PROKR1: variants seen among roughly 807,000 people sequenced by gnomAD.
PROKR1 encodes the protein prokineticin receptor 1, also known as G protein-coupled receptor 73.
A neutral mutation model predicts 22.8 loss-of-function variants in PROKR1; 21 were observed. That is an observed-to-expected ratio of 0.92 (90% CI 0.65 to 1.32). The LOEUF (loss-of-function observed/expected upper bound fraction) is 1.32, where lower values mean the gene tolerates loss of function less well. PROKR1 is among the 40% of genes most tolerant of loss of function. The pLI is 0.00. For missense variants in PROKR1, 548 were observed against 514.2 expected, an observed-to-expected ratio of 1.07 and a Z score of -0.64; for synonymous variants, 193 against 207.5, an observed-to-expected ratio of 0.93 and a Z score of 0.60.
rs1558577439 is a variant in PROKR1 at position 68,646,048 on chromosome 2, G to A, written c.227G>A (p.Cys76Tyr). The change falls in exon 2 of 3, where the codon TGC becomes TAC. Residue 76 changes from cysteine (C) to tyrosine (Y), a missense_variant. Coordinates refer to ENST00000303786, the MANE Select transcript of PROKR1 (RefSeq NM_138964.4). ...GCCCTGGTGGGCATCATGCTGGTCT[G>A]CGGCATTGGAAACTTCATCTTTATC... ...GMALVGIMLV[C>Y]GIGNFIFIAA... 8.1e-6 allele frequency: 13 copies of A among 1,614,256 alleles called. No homozygotes were observed. Among genetic ancestry groups the A allele is most frequent in the Non-Finnish European group, 1.1e-5 (13 of 1,180,050 alleles).
rs1002374356 is a variant in PROKR1 at position 68,646,289 on chromosome 2, G to A, written c.468G>A (p.Leu156=). The A allele has an allele frequency of 6.2e-7, 1 of 1,614,086 alleles. No individual in the cohort carries two copies. The highest frequency in any genetic ancestry group is 8.5e-7 in the Non-Finnish European group (1 of 1,180,048). Residue 156 remains leucine (L), a synonymous_variant, in exon 2 of 3, where the codon CTG becomes CTA. Coordinates refer to ENST00000303786, the MANE Select transcript of PROKR1 (RefSeq NM_138964.4). ...VSLYVSTNAL[L]AIAIDRYLAI... ...TCTATGTCTCCACCAATGCCCTGCT[G>A]GCCATCGCCATTGACAGGTGAGTGC...
chr2:68,654,807 A>C (rs1673404756), intron 2 of PROKR1, 73 bp from the exon 3 acceptor site: 1 of 132,826 alleles, frequency 7.5e-6, no homozygotes, highest in Non-Finnish European at 1.1e-5. Flanking sequence ...ACCCTGTTTC[A>C]AAAAAAAAAA....
chr2:68,655,579 C>A lies in PROKR1; in HGVS notation c.*3C>A. On this transcript the variant is annotated 3_prime_UTR_variant, in exon 3 of 3. Coordinates refer to ENST00000303786, the MANE Select transcript of PROKR1 (RefSeq NM_138964.4). ...TGGACTGCATCAGACTAAAATAACC[C>A]CCTGGACTTTGCAAAGTTTAAACAC... 6.2e-7 allele frequency: 1 copy of A among 1,613,196 alleles called. No individual in the cohort carries two copies. Among genetic ancestry groups the A allele is most frequent in the Non-Finnish European group, 8.5e-7 (1 of 1,179,744 alleles).
chr2:68,647,134 G>C (rs1489730950), intron 2 of PROKR1, among the ~76,000 whole-genome samples: 1 of 152,172 alleles, frequency 6.6e-6, no homozygotes, highest in Non-Finnish European at 1.5e-5. Flanking sequence ...ACTTTTTGTT[G>C]TTGCATTAAT....
intron 1 of PROKR1, among the ~76,000 whole-genome samples, chr2:68,644,187 G>A (rs1336420288): frequency 1.3e-5 from 2 of 152,158 alleles, no homozygotes; most frequent in Admixed American, 1.3e-4. Flanking sequence ...CCTTAATCTC[G>A]TGACGCCCTC....
At chr2:68,646,341 T>C in intron 2 of PROKR1, 35 bp downstream of exon 2, 1 of 1,613,114 alleles carries the variant, frequency 6.2e-7, no homozygotes, top group South Asian at 1.1e-5. Flanking sequence ...ACAAAGGCGG[T>C]CAGGGAGGAA....
At chr2:68,650,970 G>A (rs59109087) in intron 2 of PROKR1, among the ~76,000 whole-genome samples, 10,667 of 152,164 alleles carry the variant, frequency 0.07, 1,023 homozygotes, top group African/African-American at 0.22. Flanking sequence ...GGGATGTCAG[G>A]TATGGGTAAG....
Position 68,646,234 on chromosome 2 carries a change from C to T in PROKR1, c.413C>T (p.Thr138Ile). Residue 138 changes from threonine to isoleucine, a missense_variant, in exon 2 of 3, where the codon ACC (threonine) becomes ATC (isoleucine). Physicochemically the swap from Thr to Ile is moderately conservative, Grantham distance 89. Coordinates refer to ENST00000303786, the MANE Select transcript of PROKR1 (RefSeq NM_138964.4). The stretch of plus-strand genomic sequence containing the variant: ...TGGGAGCACGGCCACGTCCTGTGCA[C>T]CTCTGTCAACTACCTGCGCACTGTC... Reference protein sequence around the residue: ...LSWEHGHVLCTSVNYLRTVSL... With the variant: ...LSWEHGHVLCISVNYLRTVSL... 6.2e-7 allele frequency: 1 copy of T among 1,613,950 alleles called. No homozygotes were observed. The highest frequency in any genetic ancestry group is 8.5e-7 in the Non-Finnish European group (1 of 1,179,856).
intron 2 of PROKR1, among the ~76,000 whole-genome samples, chr2:68,647,139 A>T (rs1472169335): frequency 1.3e-5 from 2 of 152,246 alleles, no homozygotes; most frequent in East Asian, 3.8e-4. Context: ...TTGTTGTTGC[A>T]TTAATCACTT....
chr2:68,652,853 G>T (rs1015532987), intron 2 of PROKR1, among the ~76,000 whole-genome samples: 1 of 152,176 alleles, frequency 6.6e-6, no homozygotes, highest in African/African-American at 2.4e-5. Context: ...GATTAGATTT[G>T]TGGTCTTCTG....
In PROKR1 at chr2:68,656,631, A is replaced by G. The variant is rs528639105; in HGVS notation, c.*1055A>G. 30 of 152,262 alleles carry G rather than the reference A, an allele frequency of 2.0e-4. No individual in the cohort carries two copies. The highest frequency in any genetic ancestry group is 7.2e-4 in the African/African-American group (30 of 41,528). 9.4% of individuals were successfully genotyped at this position (152,262 alleles called of 1,614,324 possible). On this transcript the variant is annotated 3_prime_UTR_variant, in exon 3 of 3. Transcript: ENST00000303786. ...GGCCTTCATTCATTTTTCTGTTTTC[A>G]CCAGCTCTCAAATGTGAGTGATGAA...
At chr2:68,644,841 C>G (rs1673139572) in intron 1 of PROKR1, among the ~76,000 whole-genome samples, 1 of 152,108 alleles carries the variant, frequency 6.6e-6, no homozygotes, top group Admixed American at 6.5e-5. Flanking sequence ...CCCCCCTAGA[C>G]CCCTCACCCC....
intron 1 of PROKR1, among the ~76,000 whole-genome samples, chr2:68,644,296 C>T (rs1161287854): frequency 6.6e-6 from 1 of 152,144 alleles, no homozygotes; most frequent in South Asian, 2.1e-4. Context: ...AGTGGCATGC[C>T]TCTGCGACCC....
intron 2 of PROKR1, among the ~76,000 whole-genome samples, chr2:68,648,138 C>T (rs766505893): frequency 2.0e-5 from 3 of 152,148 alleles, no homozygotes; most frequent in African/African-American, 4.8e-5. Flanking sequence ...TAGGGTGCCT[C>T]CTGTGGAGTG....
chr2:68,655,506 G>C lies in PROKR1; in HGVS notation c.1112G>C (p.Ser371Thr), dbSNP rs200848333. Residue 371 changes from serine (S) to threonine (T), a missense_variant, in exon 3 of 3, where the codon AGT (serine) becomes ACT (threonine). Coordinates refer to ENST00000303786, the MANE Select transcript of PROKR1 (RefSeq NM_138964.4). ...WKASYNGGKS[S>T]ADLDLKTIGM... ...GCTTCTTACAATGGCGGTAAGTCCA[G>C]TGCAGACCTGGACCTCAAGACAATT... 27 of 1,614,244 alleles carry C rather than the reference G, an allele frequency of 1.7e-5. No individual in the cohort carries two copies. The highest frequency in any genetic ancestry group is 1.9e-5 in the Non-Finnish European group (23 of 1,180,046).
In PROKR1 at chr2:68,655,195, C is replaced by T. The variant is rs1448424011; in HGVS notation, c.801C>T (p.Phe267=). 29 of 1,614,126 alleles carry T rather than the reference C, an allele frequency of 1.8e-5. No homozygotes were observed. The East Asian group carries it at 6.2e-4, about 35-fold the overall frequency. The change falls in exon 3 of 3, where the codon TTC becomes TTT. Residue 267 remains phenylalanine (F), a synonymous_variant. Coordinates refer to ENST00000303786, the MANE Select transcript of PROKR1 (RefSeq NM_138964.4). ...RELWFKAVPG[F]QTEQIRKRLR... The stretch of plus-strand genomic sequence containing the variant: ...TCTGGTTCAAGGCGGTCCCTGGATT[C>T]CAGACAGAGCAGATCCGCAAGAGGC...
chr2:68,655,637 C>A lies in PROKR1; in HGVS notation c.*61C>A. On this transcript the variant is annotated 3_prime_UTR_variant, in exon 3 of 3. Coordinates refer to ENST00000303786, the MANE Select transcript of PROKR1 (RefSeq NM_138964.4). ...GGTCCTGTGGACACTGACTAGTGTG[C>A]TTGGATGCACATCAACCTGGAACTT... 1 of 1,496,464 alleles carries A rather than the reference C, an allele frequency of 6.7e-7. No homozygotes were observed. The highest frequency in any genetic ancestry group is 9.2e-7 in the Non-Finnish European group (1 of 1,085,362). The allele number at this position is 1,496,464 out of a possible 1,614,324, so 92.7% of individuals were successfully genotyped here. A position where few individuals can be genotyped will look rare whatever the true frequency, so the allele number is the denominator to read the frequency against.
rs1412754616 is a variant in PROKR1, at chr2:68,646,332, C to T, written c.485+26C>T. The T allele has an allele frequency of 1.9e-6, 3 of 1,613,614 alleles. No homozygotes were observed. In the African/African-American group the frequency reaches 4.0e-5, roughly 22 times the overall value. ...GTGAGTGCAGCAGCAGTGGGGACAACAAAGGCGGTCAGGGAGGAAGGGGCA... is the reference window on the plus strand; with the variant it reads ...GTGAGTGCAGCAGCAGTGGGGACAATAAAGGCGGTCAGGGAGGAAGGGGCA... On this transcript the variant is annotated intron_variant, in intron 2 of 2. Coordinates refer to ENST00000303786, the MANE Select transcript of PROKR1 (RefSeq NM_138964.4).
intron 2 of PROKR1, among the ~76,000 whole-genome samples, chr2:68,651,610 C>A (rs1336335084): frequency 3.3e-5 from 5 of 152,192 alleles, no homozygotes; most frequent in South Asian, 2.1e-4. Context: ...GCACAGAAAC[C>A]TCCTGGTGAG....
Sources: allele counts gnomAD v4.1 joint callset (sites outside exome capture counted in the v4.1 genomes callset), GRCh38; gene constraint gnomAD v4.1.1; transcripts MANE v1.5; gene names NCBI Gene and HGNC (gene_info 2026-07-23, HGNC 2026-07-21).